Variants in YY1AP1 observed in about 807,000 individuals in gnomAD.
The protein encoded by YY1AP1 is YY1-associated protein 1.
In YY1AP1, 43 loss-of-function variants were observed where a neutral mutation model predicts 39.9. That is an observed-to-expected ratio of 1.08 (90% CI 0.84 to 1.39). The LOEUF (loss-of-function observed/expected upper bound fraction) is 1.39. YY1AP1 is among the 40% of genes most tolerant of loss of function. YY1AP1 has a pLI of 0.00. For missense variants in YY1AP1, 813 were observed against 900.7 expected, an observed-to-expected ratio of 0.90 and a Z score of 1.25; for synonymous variants, 292 against 331.3, an observed-to-expected ratio of 0.88 and a Z score of 1.29.
chr1:155,661,216 A>G (rs1415658265), intron 10 of YY1AP1, 91 bp downstream of exon 10: 4 of 1,613,726 alleles, frequency 2.5e-6, no homozygotes, highest in Non-Finnish European at 8.5e-7. Context: ...TCTACAACTA[A>G]AGCATTAGAC....
chr1:155,661,916 A>G (rs1329760489), intron 9 of YY1AP1, among the ~76,000 whole-genome samples: 1 of 152,106 alleles, frequency 6.6e-6, no homozygotes, highest in East Asian at 1.9e-4. Context: ...TCGGCCTCCC[A>G]AAGTGCTAGG....
intron 8 of YY1AP1, 119 bp downstream of exon 8, chr1:155,670,201 T>C: frequency 7.2e-7 from 1 of 1,388,814 alleles, no homozygotes; most frequent in South Asian, 1.2e-5. Context: ...ACTCTGCTCA[T>C]CTATACTGCT....
intron 5 of YY1AP1, 143 bp downstream of exon 5, chr1:155,676,405 C>A: frequency 1.0e-6 from 1 of 963,242 alleles, no homozygotes; most frequent in East Asian, 2.5e-5. Context: ...AAGCTCCTAA[C>A]TGATGTGAAG....
Position 155,663,235 on chromosome 1 carries a change from G to C in YY1AP1, c.880-1812C>G, listed in dbSNP as rs531059915. Reference sequence around the variant, plus strand: ...AAAATACAAAAATTAGCTAAGTGTGGTGGCGCGTGCCTGTAATCTCAGCTA... The same window carrying C: ...AAAATACAAAAATTAGCTAAGTGTGCTGGCGCGTGCCTGTAATCTCAGCTA... On this transcript the variant is annotated intron_variant, in intron 9 of 10. Coordinates refer to ENST00000355499, the MANE Select transcript of YY1AP1 (RefSeq NM_139119.3). 1.6e-3 allele frequency among the ~76,000 whole-genome samples: 237 copies of C among 151,986 alleles called. 1 individual carries two copies. The highest frequency in any genetic ancestry group is 5.5e-3 in the African/African-American group (228 of 41,436).
Position 155,688,708 on chromosome 1 carries a change from C to A in YY1AP1, c.-201G>T. 1 of 1,522,294 alleles carries A rather than the reference C, an allele frequency of 6.6e-7. No homozygotes were observed. Among genetic ancestry groups the A allele is most frequent in the East Asian group, 2.4e-5 (1 of 40,964 alleles). The allele number at this position is 1,522,294 out of a possible 1,614,324, so 94.3% of individuals were successfully genotyped here. On this transcript the variant is annotated 5_prime_UTR_variant, in exon 1 of 11. Transcript: ENST00000355499. ...TCTCCACCTCCTCTTCTCTCCTCCC[C>A]CTCCCTCCCCGCCCGCACGGCCACC...
Position 155,660,010 on chromosome 1 carries a change from T to C in YY1AP1, c.1900A>G (p.Lys634Glu), listed in dbSNP as rs1400347558. The C allele has an allele frequency of 6.2e-7, 1 of 1,614,200 alleles. No individual in the cohort carries two copies. Among genetic ancestry groups the C allele is most frequent in the Non-Finnish European group, 8.5e-7 (1 of 1,180,052 alleles). Reference protein sequence around the residue: ...NLPIPSTPEDKAHMNVDIACA... With the variant: ...NLPIPSTPEDEAHMNVDIACA... ...GCAATGTCCACATTCATGTGGGCCT[T>C]ATCTTCAGGGGTGGATGGTATAGGA... Residue 634 changes from lysine (K) to glutamate (E), a missense_variant, in exon 11 of 11, where the codon AAG becomes GAG. Transcript: ENST00000355499.
intron 4 of YY1AP1, among the ~76,000 whole-genome samples, chr1:155,678,364 A>C (rs925299206): frequency 4.6e-5 from 7 of 152,252 alleles, no homozygotes; most frequent in Admixed American, 1.3e-4. Flanking sequence ...ACCAGAAGGT[A>C]ACTGGATTCT....
rs1558323022 is a variant in YY1AP1, at chr1:155,688,262, G to A, written c.-151-61C>T. 4 of 1,602,622 alleles carry A rather than the reference G, an allele frequency of 2.5e-6. No homozygotes were observed. Among genetic ancestry groups the A allele is most frequent in the Admixed American group, 1.7e-5 (1 of 57,416 alleles). The stretch of plus-strand genomic sequence containing the variant: ...GAGGGCTAAAGGGGCAAACTGAGAG[G>A]AGGCGGATCCCGCAACCGACACTGG... On this transcript the variant is annotated intron_variant, in intron 1 of 10. Coordinates refer to ENST00000355499, the MANE Select transcript of YY1AP1 (RefSeq NM_139119.3).
At chr1:155,686,775 G>A (rs1652455089) in intron 2 of YY1AP1, among the ~76,000 whole-genome samples, 1 of 152,158 alleles carries the variant, frequency 6.6e-6, no homozygotes, top group African/African-American at 2.4e-5. Context: ...CCATGGATAT[G>A]CATTTCATAC....
At chr1:155,688,807 C>T, upstream of YY1AP1, 8 of 1,557,390 alleles carry the variant, frequency 5.1e-6, no homozygotes, top group Non-Finnish European at 5.2e-6. Context: ...ACAGTCCCCA[C>T]CGCGGGACTG....
chr1:155,680,473 C>A lies in YY1AP1; in HGVS notation c.-20-17G>T. The A allele has an allele frequency of 6.2e-7, 1 of 1,610,310 alleles. No homozygotes were observed. On this transcript the variant is annotated splice_polypyrimidine_tract_variant and intron_variant, in intron 2 of 10. Transcript: ENST00000355499. ...CTTCCTTTTCTGCAAAAAAGCCAAA[C>A]GTTGTTGGTATAAATTAGATTCATT...
intron 2 of YY1AP1, among the ~76,000 whole-genome samples, 179 bp from the exon 3 acceptor site, chr1:155,680,635 C>G (rs1012836827): frequency 1.3e-4 from 20 of 152,182 alleles, no homozygotes; most frequent in African/African-American, 4.8e-4. Flanking sequence ...GGCTTGATCT[C>G]GGCTCACTGC....
At chr1:155,664,413 G>A (rs1648639492) in intron 9 of YY1AP1, among the ~76,000 whole-genome samples, 1 of 152,040 alleles carries the variant, frequency 6.6e-6, no homozygotes, top group Non-Finnish European at 1.5e-5. Context: ...TATAAACAAG[G>A]TACACAGTAC....
At chr1:155,663,030 A>T (rs1057495671) in intron 9 of YY1AP1, among the ~76,000 whole-genome samples, 4 of 151,646 alleles carry the variant, frequency 2.6e-5, no homozygotes, top group African/African-American at 9.7e-5. Flanking sequence ...TCCCCCAACA[A>T]AAGTACAAAG....
In YY1AP1 at chr1:155,660,290, G is replaced by C; in HGVS notation, c.1620C>G (p.Arg540=). ...PSKRRGARAF[R]CIKPAPVIHP... Reference sequence around the variant, plus strand: ...GGATAACAGGGGCAGGTTTGATACAGCGAAAGGCCCTGGCTCCCCTTCTTT... The same window carrying C: ...GGATAACAGGGGCAGGTTTGATACACCGAAAGGCCCTGGCTCCCCTTCTTT... Residue 540 remains arginine, a synonymous_variant, in exon 11 of 11, where the codon CGC becomes CGG. Coordinates refer to ENST00000355499, the MANE Select transcript of YY1AP1 (RefSeq NM_139119.3). 6.2e-7 allele frequency: 1 copy of C among 1,614,212 alleles called. No individual in the cohort carries two copies. The highest frequency in any genetic ancestry group is 8.5e-7 in the Non-Finnish European group (1 of 1,180,046).
At chr1:155,663,691 C>T (rs187171399) in intron 9 of YY1AP1, among the ~76,000 whole-genome samples, 6 of 152,226 alleles carry the variant, frequency 3.9e-5, no homozygotes, top group Non-Finnish European at 8.8e-5. Context: ...TGCACTCCAG[C>T]CTGGGCAATG....
chr1:155,662,214 G>A (rs1648274048), intron 9 of YY1AP1, among the ~76,000 whole-genome samples: 1 of 152,086 alleles, frequency 6.6e-6, no homozygotes, highest in South Asian at 2.1e-4. Context: ...AAATAGGCTG[G>A]CCTTGGTGGC....
At chr1:155,680,080 G>T (rs756770872) in intron 3 of YY1AP1, 5 of 248,710 alleles carry the variant, frequency 2.0e-5, no homozygotes, top group Non-Finnish European at 3.9e-5. Flanking sequence ...AGGAGGCTTA[G>T]ATGAGAGAAT....
Position 155,659,663 on chromosome 1 carries a change from A to C in YY1AP1, c.2247T>G (p.Phe749Leu). 6.2e-7 allele frequency: 1 copy of C among 1,614,180 alleles called. No individual in the cohort carries two copies. Among genetic ancestry groups the C allele is most frequent in the South Asian group, 1.1e-5 (1 of 91,080 alleles). Reference sequence around the variant, plus strand: ...AGACTCTTATTCTCCTAGCTCAAAGAAATCCACTGATTTCCTCTGTAGCAT... The same window carrying C: ...AGACTCTTATTCTCCTAGCTCAAAGCAATCCACTGATTTCCTCTGTAGCAT... ...PEDATEEISGFL is the reference protein window; with the variant it reads ...PEDATEEISGLL The change falls in exon 11 of 11, where the codon TTT becomes TTG. Residue 749 changes from phenylalanine to leucine, a missense_variant. Coordinates refer to ENST00000355499, the MANE Select transcript of YY1AP1 (RefSeq NM_139119.3).
Sources: gnomAD v4.1 joint callset for allele counts (sites outside exome capture counted in the v4.1 genomes callset) on GRCh38, gnomAD v4.1.1 for gene constraint, MANE v1.5 for transcripts, NCBI Gene and HGNC (gene_info 2026-07-23, HGNC 2026-07-21) for gene names.